Variants in CNTNAP2 observed in about 807,000 individuals in gnomAD.
CNTNAP2 encodes the protein contactin-associated protein-like 2.
CNTNAP2 carries 98 observed loss-of-function variants against 155.2 expected under a neutral mutation model. That is an observed-to-expected ratio of 0.63 (90% CI 0.54 to 0.75). The LOEUF is 0.75. CNTNAP2 is among the 30% of genes least tolerant of loss of function. The pLI is 0.00. For synonymous variants in CNTNAP2, 651 were observed against 631.2 expected, an observed-to-expected ratio of 1.03 and a Z score of -0.47; for missense variants, 1,727 against 1,688.1, an observed-to-expected ratio of 1.02 and a Z score of -0.40.
intron 9 of CNTNAP2, among the ~76,000 whole-genome samples, chr7:147,304,091 G>A (rs578100850): frequency 1.1e-4 from 16 of 152,144 alleles, no homozygotes; most frequent in Admixed American, 1.3e-4. Context: ...AGGCTGGGCC[G>A]TTTCACTCCA....
intron 21 of CNTNAP2, among the ~76,000 whole-genome samples, chr7:148,354,638 C>T (rs914509273): frequency 3.3e-5 from 5 of 151,096 alleles, no homozygotes; most frequent in Admixed American, 3.3e-4. Flanking sequence ...CTCTCTGTTT[C>T]TTAAGACATC....
intron 9 of CNTNAP2, among the ~76,000 whole-genome samples, chr7:147,309,126 G>T (rs1432150618): frequency 6.6e-6 from 1 of 152,148 alleles, no homozygotes; most frequent in Non-Finnish European, 1.5e-5. Flanking sequence ...TACTGGGGTT[G>T]GAGGGGGGTA....
intron 1 of CNTNAP2, among the ~76,000 whole-genome samples, chr7:146,656,786 C>A (rs1434827642): frequency 1.3e-5 from 2 of 152,130 alleles, no homozygotes; most frequent in East Asian, 3.8e-4. Flanking sequence ...TTATAAACAC[C>A]TTAATCAATT....
At chr7:147,292,738 T>A (rs1277350606) in intron 8 of CNTNAP2, among the ~76,000 whole-genome samples, 1 of 151,272 alleles carries the variant, frequency 6.6e-6, no homozygotes, top group Non-Finnish European at 1.5e-5. Context: ...TCCCTAAGAT[T>A]CTACGTATTA....
intron 14 of CNTNAP2, among the ~76,000 whole-genome samples, chr7:147,935,733 G>GC (rs1306505902): frequency 6.6e-6 from 1 of 152,056 alleles, no homozygotes; most frequent in African/African-American, 2.4e-5. Context: ...TGAAAGGTGA[G>GC]CTTTATCTTG....
chr7:147,097,767 A>G (rs1006422084), intron 4 of CNTNAP2, among the ~76,000 whole-genome samples: 15 of 152,318 alleles, frequency 9.8e-5, no homozygotes, highest in African/African-American at 3.6e-4. Context: ...GAAGTAACAA[A>G]CTAAGATTCT....
intron 21 of CNTNAP2, among the ~76,000 whole-genome samples, chr7:148,331,500 GTTGA>G (rs1798010560): frequency 3.1e-5 from 4 of 131,046 alleles, no homozygotes; most frequent in South Asian, 2.5e-4. Flanking sequence ...GACAGATGGA[GTTGA>G]TGGATGGATG....
chr7:148,278,433 G>A (rs937735054), intron 21 of CNTNAP2, among the ~76,000 whole-genome samples: 1 of 152,116 alleles, frequency 6.6e-6, no homozygotes, highest in Non-Finnish European at 1.5e-5. Flanking sequence ...AGCCGGGCGT[G>A]GTGGTGGTCA....
intron 3 of CNTNAP2, among the ~76,000 whole-genome samples, chr7:146,966,273 T>A (rs573494198): frequency 1.3e-5 from 2 of 152,332 alleles, no homozygotes; most frequent in African/African-American, 4.8e-5. Context: ...CTCATCTGTG[T>A]ATGCTTTATG....
chr7:146,802,790 A>T (rs941080279), intron 2 of CNTNAP2, among the ~76,000 whole-genome samples: 2 of 152,162 alleles, frequency 1.3e-5, no homozygotes, highest in African/African-American at 4.8e-5. Context: ...TTGAGAACAG[A>T]CTAATATAAA....
At chr7:147,432,399 T>C (rs1290381665) in intron 10 of CNTNAP2, among the ~76,000 whole-genome samples, 1 of 152,226 alleles carries the variant, frequency 6.6e-6, no homozygotes, top group Non-Finnish European at 1.5e-5. Flanking sequence ...GCTGTGTTTT[T>C]TAAAAAATAG....
chr7:147,221,334 G>A (rs1426996735), intron 8 of CNTNAP2, among the ~76,000 whole-genome samples: 1 of 152,126 alleles, frequency 6.6e-6, no homozygotes, highest in African/African-American at 2.4e-5. Flanking sequence ...GCATGGGAAA[G>A]CTCAGAAACC....
intron 3 of CNTNAP2, among the ~76,000 whole-genome samples, chr7:146,927,976 AT>A (rs1385792034): frequency 2.0e-5 from 3 of 149,218 alleles, no homozygotes; most frequent in Admixed American, 6.7e-5. Context: ...ATATATATAT[AT>A]AAATATATAT....
chr7:146,142,215 C>T (rs1264538193), intron 1 of CNTNAP2, among the ~76,000 whole-genome samples: 1 of 152,178 alleles, frequency 6.6e-6, no homozygotes, highest in Non-Finnish European at 1.5e-5. Flanking sequence ...GTTGCCCTTC[C>T]ATATCCTGAA....
At chr7:146,800,762 A>G (rs907906443) in intron 2 of CNTNAP2, among the ~76,000 whole-genome samples, 1 of 152,152 alleles carries the variant, frequency 6.6e-6, no homozygotes, top group African/African-American at 2.4e-5. Context: ...AATTATTTCA[A>G]AAACATGAAA....
intron 9 of CNTNAP2, among the ~76,000 whole-genome samples, chr7:147,367,082 C>T (rs780533181): frequency 5.9e-5 from 9 of 152,026 alleles, no homozygotes; most frequent in Admixed American, 2.0e-4. Context: ...TAGTGAGACC[C>T]GGTGTATACA....
chr7:147,529,271 A>T (rs906420567), intron 11 of CNTNAP2, among the ~76,000 whole-genome samples: 3 of 152,258 alleles, frequency 2.0e-5, no homozygotes, highest in African/African-American at 7.2e-5. Flanking sequence ...TTTAATATTT[A>T]TACCTGTTCT....
chr7:146,356,394 G>A (rs146510894), intron 1 of CNTNAP2, among the ~76,000 whole-genome samples: 26 of 152,190 alleles, frequency 1.7e-4, no homozygotes, highest in African/African-American at 6.3e-4. Flanking sequence ...TTAATTAATA[G>A]CTTCAAGGTT....
intron 8 of CNTNAP2, chr7:147,167,381 CA>C: frequency 8.6e-7 from 1 of 1,163,308 alleles, no homozygotes; most frequent in South Asian, 1.5e-5. Context: ...ACATTTCTGC[CA>C]AACGTTACTA....
Sources: allele counts gnomAD v4.1 joint callset (sites outside exome capture counted in the v4.1 genomes callset), GRCh38; gene constraint gnomAD v4.1.1; transcripts MANE v1.5; gene names NCBI Gene and HGNC (gene_info 2026-07-23, HGNC 2026-07-21).